CCR2: variants seen among roughly 807,000 people sequenced by gnomAD.
CCR2 encodes the protein C-C chemokine receptor type 2.
For synonymous variants in CCR2, 183 were observed against 177.1 expected, an observed-to-expected ratio of 1.03 and a Z score of -0.27; for missense variants, 408 against 440.0, an observed-to-expected ratio of 0.93 and a Z score of 0.65.
chr3:46,360,149 G>T lies in CCR2; in HGVS notation c.*1539G>T. The T allele has an allele frequency of 2.9e-6, 1 of 347,160 alleles. No homozygotes were observed. Among genetic ancestry groups the T allele is most frequent in the Non-Finnish European group, 5.3e-6 (1 of 190,448 alleles). 21.5% of individuals were successfully genotyped at this position (347,160 alleles called of 1,614,324 possible). ...TTTGAGTTACTATCATGTCAAACGT[G>T]AAAATGCTGTATTAGTCACAGAGAT... On this transcript the variant is annotated 3_prime_UTR_variant, in exon 2 of 2. Coordinates refer to ENST00000445132, the MANE Select transcript of CCR2 (RefSeq NM_001123396.4).
rs140816549 is a variant in CCR2 at position 46,359,683 on chromosome 3, T to A, written c.*1073T>A. 2.4e-4 allele frequency: 388 copies of A among 1,607,848 alleles called. 1 individual carries two copies. In the African/African-American group the frequency reaches 4.6e-3, roughly 19 times the overall value. On this transcript the variant is annotated 3_prime_UTR_variant, in exon 2 of 2. Transcript: ENST00000445132. ...TCTTCTCTTTTCCCCACAGCCTTTT[T>A]CACATAGCTCTTGGCTGTAGGATTG...
At position 46,357,748 on chromosome 3, in the gene CCR2, A is replaced by G. The variant is rs1701480681; in HGVS notation, c.221A>G (p.Lys74Arg). 1 of 1,614,022 alleles carries G rather than the reference A, an allele frequency of 6.2e-7. No homozygotes were observed. Among genetic ancestry groups the G allele is most frequent in the Non-Finnish European group, 8.5e-7 (1 of 1,180,022 alleles). ...ATCTTAATAAACTGCAAAAAGCTGA[A>G]GTGCTTGACTGACATTTACCTGCTC... ...VLILINCKKL[K>R]CLTDIYLLNL... is the part of the protein sequence containing the mutation. Residue 74 changes from lysine to arginine, a missense_variant, in exon 2 of 2, where the codon AAG becomes AGG. Coordinates refer to ENST00000445132, the MANE Select transcript of CCR2 (RefSeq NM_001123396.4).
rs983731060 is a variant in CCR2, at chr3:46,359,417, T to C, written c.*807T>C. 2.9e-5 allele frequency: 32 copies of C among 1,113,214 alleles called. No individual in the cohort carries two copies. The highest frequency in any genetic ancestry group is 8.2e-5 in the Admixed American group (2 of 24,440). 69.0% of individuals were successfully genotyped at this position (1,113,214 alleles called of 1,614,324 possible). On this transcript the variant is annotated 3_prime_UTR_variant, in exon 2 of 2. Transcript: ENST00000445132. ...TATGCTAATATATGTATATGCAATA[T>C]ATATAGGCTCTTGCTTGATCTCTCC...
At position 46,357,724 on chromosome 3, in the gene CCR2, T is replaced by A; in HGVS notation, c.197T>A (p.Ile66Asn). 6.2e-7 allele frequency: 1 copy of A among 1,614,176 alleles called. No individual in the cohort carries two copies. The highest frequency in any genetic ancestry group is 2.2e-5 in the East Asian group (1 of 44,884). ...GFVGNMLVVL[I>N]LINCKKLKCL... ...GTGGGCAACATGCTGGTCGTCCTCA[T>A]CTTAATAAACTGCAAAAAGCTGAAG... The change falls in exon 2 of 2, where the codon ATC (isoleucine) becomes AAC (asparagine). Residue 66 changes from isoleucine (I) to asparagine (N), a missense_variant. Physicochemically the swap from Ile to Asn is moderately radical, Grantham distance 149 (BLOSUM62 -3). Coordinates refer to ENST00000445132, the MANE Select transcript of CCR2 (RefSeq NM_001123396.4).
intron 1 of CCR2, 69 bp downstream of exon 1, chr3:46,354,246 C>A (rs1439213932): frequency 6.6e-6 from 1 of 152,216 alleles, no homozygotes; most frequent in Non-Finnish European, 1.5e-5. Context: ...GCTGGAAATG[C>A]CGGGTCTGGG....
At chr3:46,355,009 C>T (rs1284321495) in intron 1 of CCR2, 1 of 152,174 alleles carries the variant, frequency 6.6e-6, no homozygotes, top group African/African-American at 2.4e-5. Flanking sequence ...TCTTGAGAAT[C>T]AAGTCCTGAT....
chr3:46,359,620 T>TTTGTGC lies in CCR2; in HGVS notation c.*1014_*1019dup. 6.5e-7 allele frequency: 1 copy of TTTGTGC among 1,539,744 alleles called. No individual in the cohort carries two copies. The highest frequency in any genetic ancestry group is 8.8e-7 in the Non-Finnish European group (1 of 1,138,394). ...CTTGTCTGGATCTGAGCTGGTTTGT[T>TTTGTGC]TTGTGCTTGCTTTTCCCTGCCTTGC... is the stretch of plus-strand genomic sequence containing the variant. On this transcript the variant is annotated 3_prime_UTR_variant, in exon 2 of 2. Coordinates refer to ENST00000445132, the MANE Select transcript of CCR2 (RefSeq NM_001123396.4).
chr3:46,356,427 G>C (rs1297966741), intron 1 of CCR2, among the ~76,000 whole-genome samples: 2 of 152,150 alleles, frequency 1.3e-5, no homozygotes, highest in Non-Finnish European at 2.9e-5. Context: ...CTCCCATCTG[G>C]AAGCCAAAAA....
In CCR2 at chr3:46,360,050, T is replaced by C. The variant is rs1485586837; in HGVS notation, c.*1440T>C. The C allele has an allele frequency of 2.8e-5, 15 of 533,292 alleles. No homozygotes were observed. 33.0% of individuals were successfully genotyped at this position (533,292 alleles called of 1,614,324 possible). A position where few individuals can be genotyped will look rare whatever the true frequency, so the allele number is the denominator to read the frequency against. ...CTCATTTTTGAATACAGGCATAGAG[T>C]TCAGACTTTTTTTAAATAGTAAAAA... is the stretch of plus-strand genomic sequence containing the variant. On this transcript the variant is annotated 3_prime_UTR_variant, in exon 2 of 2. Transcript: ENST00000445132.
chr3:46,354,487 G>A (rs531468205), intron 1 of CCR2, among the ~76,000 whole-genome samples: 3 of 152,208 alleles, frequency 2.0e-5, no homozygotes, highest in Admixed American at 6.5e-5. Context: ...ACCCAAGGAC[G>A]TTAAAGAGCT....
intron 1 of CCR2, among the ~76,000 whole-genome samples, chr3:46,355,739 GATA>G (rs1701440326): frequency 6.6e-6 from 1 of 152,192 alleles, no homozygotes; most frequent in South Asian, 2.1e-4. Flanking sequence ...CAAATGACAT[GATA>G]ATAATACAGG....
Position 46,357,742 on chromosome 3 carries a change from A to C in CCR2, c.215A>C (p.Lys72Thr), listed in dbSNP as rs1206564341. ...GTCCTCATCTTAATAAACTGCAAAA[A>C]GCTGAAGTGCTTGACTGACATTTAC... is the stretch of plus-strand genomic sequence containing the variant. ...LVVLILINCK[K>T]LKCLTDIYLL... Residue 72 changes from lysine to threonine, a missense_variant, in exon 2 of 2, where the codon AAG (lysine) becomes ACG (threonine). Transcript: ENST00000445132. 5.6e-6 allele frequency: 9 copies of C among 1,614,024 alleles called. No individual in the cohort carries two copies. The Admixed American group carries it at 1.3e-4, about 24-fold the overall frequency.
At position 46,356,414 on chromosome 3, in the gene CCR2, C is replaced by T. The variant is rs534470476; in HGVS notation, c.-51-1063C>T. Among the ~76,000 whole-genome samples, 204 of 152,248 alleles carry T rather than the reference C, an allele frequency of 1.3e-3. 5 individuals carry two copies. The South Asian group carries it at 0.033, about 25-fold the overall frequency. On this transcript the variant is annotated intron_variant, in intron 1 of 1. Transcript: ENST00000445132. Reference sequence around the variant, plus strand: ...ACATGAATAAAAAGCGGTAGCACAGCCCCTCCCATCTGGAAGCCAAAAAGA... The same window carrying T: ...ACATGAATAAAAAGCGGTAGCACAGTCCCTCCCATCTGGAAGCCAAAAAGA...
rs901614066 is a variant in CCR2 at position 46,356,503 on chromosome 3, C to G, written c.-51-974C>G. Among the ~76,000 whole-genome samples the G allele has an allele frequency of 7.2e-5, 11 of 152,182 alleles. No homozygotes were observed. In the South Asian group the frequency reaches 2.3e-3, roughly 32 times the overall value. On this transcript the variant is annotated intron_variant, in intron 1 of 1. Transcript: ENST00000445132. ...TGAAGAGGGTGGAATTGGAATAAAA[C>G]CAGGGCATTTGAAAAATTGGGTTGT...
Position 46,358,847 on chromosome 3 carries a change from G to T in CCR2, c.*237G>T. ...CTCCAGAAAGCTCATCTCAGCTCCT[G>T]AAAAATGCCTCATTACCTTGTGCTA... On this transcript the variant is annotated 3_prime_UTR_variant, in exon 2 of 2. Transcript: ENST00000445132. 1 of 1,285,204 alleles carries T rather than the reference G, an allele frequency of 7.8e-7. No homozygotes were observed. 79.6% of individuals were successfully genotyped at this position (1,285,204 alleles called of 1,614,324 possible). A position where few individuals can be genotyped will look rare whatever the true frequency, so the allele number is the denominator to read the frequency against.
rs1363034347 is a variant in CCR2 at position 46,358,757 on chromosome 3, C to T, written c.*147C>T. ...GTGTGTACTAATACAGACTATGTCA[C>T]CCAATGCATATCCAACATGTGCTCA... On this transcript the variant is annotated 3_prime_UTR_variant, in exon 2 of 2. Transcript: ENST00000445132. 3 of 1,437,790 alleles carry T rather than the reference C, an allele frequency of 2.1e-6. No individual in the cohort carries two copies. Among genetic ancestry groups the T allele is most frequent in the Non-Finnish European group, 2.7e-6 (3 of 1,093,238 alleles). The allele number at this position is 1,437,790 out of a possible 1,614,324, so 89.1% of individuals were successfully genotyped here.
Position 46,358,002 on chromosome 3 carries a change from G to T in CCR2, c.475G>T (p.Val159Leu), listed in dbSNP as rs532078003. Residue 159 changes from valine (V) to leucine (L), a missense_variant, in exon 2 of 2, where the codon GTG becomes TTG. Physicochemically the swap from Val to Leu is conservative, Grantham distance 32. Transcript: ENST00000445132. Reference protein sequence around the residue: ...LKARTVTFGVVTSVITWLVAV... With the variant: ...LKARTVTFGVLTSVITWLVAV... ...AGCCAGGACGGTCACCTTTGGGGTG[G>T]TGACAAGTGTGATCACCTGGTTGGT... 43 of 1,614,216 alleles carry T rather than the reference G, an allele frequency of 2.7e-5. No homozygotes were observed. In the South Asian group the frequency reaches 4.6e-4, roughly 17 times the overall value.
rs1201218616 is a variant in CCR2 at position 46,358,246 on chromosome 3, G to C, written c.719G>C (p.Arg240Thr). Residue 240 changes from arginine (R) to threonine (T), a missense_variant, in exon 2 of 2, where the codon AGG (arginine) becomes ACG (threonine). Physicochemically the swap from Arg to Thr is moderately conservative, Grantham distance 71. Transcript: ENST00000445132. ...LRCRNEKKRH[R>T]AVRVIFTIMI... Reference sequence around the variant, plus strand: ...TGTCGAAACGAGAAGAAGAGGCATAGGGCAGTGAGAGTCATCTTCACCATC... The same window carrying C: ...TGTCGAAACGAGAAGAAGAGGCATACGGCAGTGAGAGTCATCTTCACCATC... 6.2e-7 allele frequency: 1 copy of C among 1,614,080 alleles called. No homozygotes were observed. Among genetic ancestry groups the C allele is most frequent in the Non-Finnish European group, 8.5e-7 (1 of 1,180,034 alleles).
Position 46,357,563 on chromosome 3 carries a change from T to C in CCR2, c.36T>C (p.Asn12=). ...LSTSRSRFIR[N]TNESGEEVTT... ...CATCTCGTTCTCGGTTTATCAGAAATACCAACGAGAGCGGTGAAGAAGTCA... is the reference window on the plus strand; with the variant it reads ...CATCTCGTTCTCGGTTTATCAGAAACACCAACGAGAGCGGTGAAGAAGTCA... Residue 12 remains asparagine, a synonymous_variant, in exon 2 of 2, where the codon AAT becomes AAC. Transcript: ENST00000445132. The C allele has an allele frequency of 6.2e-7, 1 of 1,614,110 alleles. No individual in the cohort carries two copies. Among genetic ancestry groups the C allele is most frequent in the South Asian group, 1.1e-5 (1 of 91,074 alleles).
Sources: gnomAD v4.1 joint callset for allele counts (sites outside exome capture counted in the v4.1 genomes callset) on GRCh38, gnomAD v4.1.1 for gene constraint, MANE v1.5 for transcripts, NCBI Gene and HGNC (gene_info 2026-07-23, HGNC 2026-07-21) for gene names.